The following XPO4 variants were observed in gnomAD, a reference collection of about 807,000 sequenced individuals.
XPO4 encodes exportin 4.
Under a neutral mutation model 143.0 loss-of-function variants are expected in XPO4, and 39 were observed. That is an observed-to-expected ratio of 0.27 (90% CI 0.21 to 0.36). The LOEUF (loss-of-function observed/expected upper bound fraction) is 0.36, where lower values mean the gene tolerates loss of function less well. Among genes scored for constraint, XPO4 ranks in the 10% least tolerant of loss-of-function variants. XPO4 has a pLI of 1.00. For missense variants in XPO4, 907 were observed against 1,348.0 expected (o/e 0.67, Z 5.12); for synonymous variants, 439 against 474.0 (o/e 0.93, Z 0.96).
Position 20,830,404 on chromosome 13 carries a change from G to A in XPO4, c.728-3225C>T, listed in dbSNP as rs952361580. Among the ~76,000 whole-genome samples, 45 of 152,276 alleles carry A rather than the reference G, an allele frequency of 3.0e-4. No individual in the cohort carries two copies. In the East Asian group the frequency reaches 3.1e-3, roughly 10 times the overall value. On this transcript the variant is annotated intron_variant, in intron 6 of 22. Coordinates refer to ENST00000255305, the MANE Select transcript of XPO4 (RefSeq NM_022459.5). ...AGAATGCACACTTGTAATGCTCCAT[G>A]CAAAGAGGCTACACTTACCTTCCAC...
At chr13:20,853,747 T>C (rs1720126709) in intron 4 of XPO4, among the ~76,000 whole-genome samples, 1 of 152,336 alleles carries the variant, frequency 6.6e-6, no homozygotes. Flanking sequence ...TAACTATGTG[T>C]GGCTATTTGA....
Position 20,843,756 on chromosome 13 carries a change from A to G in XPO4, c.573+14T>C, listed in dbSNP as rs777952424. ...GATCCAATAATTAAAACTCAAGAAC[A>G]AAACTACCAATACCTGAAAAACTCT... is the stretch of plus-strand genomic sequence containing the variant. On this transcript the variant is annotated intron_variant, in intron 5 of 22. Coordinates refer to ENST00000255305, the MANE Select transcript of XPO4 (RefSeq NM_022459.5). The G allele has an allele frequency of 2.5e-6, 4 of 1,574,076 alleles. No homozygotes were observed. The highest frequency in any genetic ancestry group is 3.5e-6 in the Non-Finnish European group (4 of 1,144,868).
intron 1 of XPO4, among the ~76,000 whole-genome samples, chr13:20,892,121 G>A (rs1009719920): frequency 6.6e-6 from 1 of 151,780 alleles, no homozygotes; most frequent in African/African-American, 2.4e-5. Flanking sequence ...CAGTACAGTG[G>A]TGCAATCTCA....
chr13:20,827,234 A>C (rs2059796330), intron 6 of XPO4, 55 bp from the exon 7 acceptor site: 3 of 1,289,134 alleles, frequency 2.3e-6, no homozygotes, highest in Non-Finnish European at 3.4e-6. Flanking sequence ...CTAAAGTATA[A>C]GTATATCCTA....
chr13:20,890,129 C>G (rs1259563653), intron 1 of XPO4, among the ~76,000 whole-genome samples: 1 of 152,140 alleles, frequency 6.6e-6, no homozygotes, highest in Non-Finnish European at 1.5e-5. Flanking sequence ...AAATAATGAG[C>G]TAGAACCTAT....
At position 20,783,776 on chromosome 13, in the gene XPO4, T is replaced by C; in HGVS notation, c.3402A>G (p.Leu1134=). 6.2e-7 allele frequency: 1 copy of C among 1,614,244 alleles called. No homozygotes were observed. The highest frequency in any genetic ancestry group is 8.5e-7 in the Non-Finnish European group (1 of 1,180,040). ...TTGCCATAAATTCTTCTAAACTCTT[T>C]AAGAAGGCCATCTTCTGCTTCCGAT... ...TLDRKQKMAF[L]KSLEEFMANV... is the part of the protein sequence containing the mutation. The change falls in exon 23 of 23, where the codon TTA becomes TTG. Residue 1134 remains leucine (L), a synonymous_variant. Transcript: ENST00000255305.
In XPO4 at chr13:20,777,526, T is replaced by G. The variant is rs1237081628; in HGVS notation, c.*6196A>C. On this transcript the variant is annotated 3_prime_UTR_variant, in exon 23 of 23. Transcript: ENST00000255305. ...CTACCCTGCAGTCTACCAGTTCAAG[T>G]AGCTTTACCAGGTCAGTCCTTAGAA... The G allele has an allele frequency of 6.6e-6, 1 of 152,216 alleles. No individual in the cohort carries two copies. Among genetic ancestry groups the G allele is most frequent in the African/African-American group, 2.4e-5 (1 of 41,466 alleles). The allele number at this position is 152,216 out of a possible 1,614,324, so 9.4% of individuals were successfully genotyped here. A position where few individuals can be genotyped will look rare whatever the true frequency, so the allele number is the denominator to read the frequency against.
chr13:20,885,644 A>G (rs570707850), intron 1 of XPO4, among the ~76,000 whole-genome samples: 1 of 152,332 alleles, frequency 6.6e-6, no homozygotes, highest in South Asian at 2.1e-4. Flanking sequence ...TTGAAAGCAC[A>G]AAGATGGAAA....
intron 4 of XPO4, chr13:20,849,655 A>G (rs937533310): frequency 9.1e-5 from 90 of 984,886 alleles, no homozygotes; most frequent in Non-Finnish European, 1.1e-4. Flanking sequence ...ATTATTTAAT[A>G]ATCATACAGG....
intron 1 of XPO4, among the ~76,000 whole-genome samples, chr13:20,877,680 T>C (rs1273159770): frequency 1.3e-5 from 2 of 152,228 alleles, no homozygotes; most frequent in Non-Finnish European, 2.9e-5. Flanking sequence ...CCTATCTTTT[T>C]AAAAAACACT....
In XPO4 at chr13:20,779,356, TC is replaced by T. The variant is rs2059114840; in HGVS notation, c.*4365del. 1.3e-5 allele frequency: 2 copies of T among 152,588 alleles called. No individual in the cohort carries two copies. Among genetic ancestry groups the T allele is most frequent in the Admixed American group, 6.5e-5 (1 of 15,280 alleles). The allele number at this position is 152,588 out of a possible 1,614,324, so 9.5% of individuals were successfully genotyped here. ...GGCTCAGAAAACACTTGAGGTCAGA[TC>T]CCTAGTAGGTACATAGTGCAGATGC... is the stretch of plus-strand genomic sequence containing the variant. On this transcript the variant is annotated 3_prime_UTR_variant, in exon 23 of 23. Transcript: ENST00000255305.
chr13:20,830,304 T>C (rs141772205), intron 6 of XPO4, among the ~76,000 whole-genome samples: 54 of 152,288 alleles, frequency 3.5e-4, no homozygotes, highest in African/African-American at 1.3e-3. Flanking sequence ...ATTACAAAAC[T>C]CCATGTTACT....
chr13:20,877,142 T>A (rs2138150742), intron 1 of XPO4, among the ~76,000 whole-genome samples: 1 of 152,250 alleles, frequency 6.6e-6, no homozygotes, highest in East Asian at 1.9e-4. Context: ...TGGCTTCCCC[T>A]CTCAAGAAGG....
intron 3 of XPO4, among the ~76,000 whole-genome samples, chr13:20,858,912 ATGTGTGTGTG>A (rs1348738233): frequency 5.3e-5 from 1 of 18,840 alleles, no homozygotes; most frequent in Non-Finnish European, 1.0e-4. Flanking sequence ...ATATATATAT[ATGTGTGTGTG>A]TATATATATA....
intron 2 of XPO4, chr13:20,863,197 A>C: frequency 6.0e-6 from 5 of 834,916 alleles, no homozygotes; most frequent in Non-Finnish European, 7.3e-6. Context: ...TAAGATTCTC[A>C]CCCTGTGCAA....
chr13:20,814,918 T>C (rs1006024435), intron 9 of XPO4, among the ~76,000 whole-genome samples: 7 of 152,262 alleles, frequency 4.6e-5, no homozygotes, highest in African/African-American at 1.4e-4. Flanking sequence ...AAAAATCTTT[T>C]ACGTTTTGGT....
intron 1 of XPO4, among the ~76,000 whole-genome samples, chr13:20,893,564 T>C (rs35989546): frequency 6.6e-6 from 1 of 151,708 alleles, no homozygotes; most frequent in South Asian, 2.1e-4. Context: ...ATGGTGAAAC[T>C]CCCTCACATG....
Position 20,800,981 on chromosome 13 carries a change from A to T in XPO4, c.1827T>A (p.Ser609=). 1 of 1,613,818 alleles carries T rather than the reference A, an allele frequency of 6.2e-7. No individual in the cohort carries two copies. The highest frequency in any genetic ancestry group is 8.5e-7 in the Non-Finnish European group (1 of 1,179,928). Residue 609 remains serine, a synonymous_variant, in exon 14 of 23, where the codon TCT becomes TCA. Coordinates refer to ENST00000255305, the MANE Select transcript of XPO4 (RefSeq NM_022459.5). ...CAACTTCTGAAACTCTGAGAATGGC[A>T]GACAACAGCCTGTAGGTATAAAACA... The part of the protein sequence containing the change: ...NRTDSVIRLL[S]AILRVSEVES...
chr13:20,863,586 T>C (rs1027544617), intron 2 of XPO4, among the ~76,000 whole-genome samples: 3 of 152,240 alleles, frequency 2.0e-5, no homozygotes, highest in African/African-American at 7.2e-5. Context: ...AAATGTTTTA[T>C]ATTAATTTTC....
Sources: gnomAD v4.1 joint callset for allele counts (sites outside exome capture counted in the v4.1 genomes callset) on GRCh38, gnomAD v4.1.1 for gene constraint, MANE v1.5 for transcripts, NCBI Gene and HGNC (gene_info 2026-07-23, HGNC 2026-07-21) for gene names.